Variants in VOPP1 observed in about 807,000 individuals in gnomAD.
VOPP1 encodes the protein VOPP1 WW domain binding protein.
In VOPP1, 8 loss-of-function variants were observed where a neutral mutation model predicts 23.5. The ratio of observed to expected loss-of-function variants is 0.34; its 90% confidence interval spans 0.20 to 0.61. The LOEUF (loss-of-function observed/expected upper bound fraction) is 0.61, where lower values mean the gene tolerates loss of function less well. Among genes scored for constraint, VOPP1 ranks in the 20% least tolerant of loss-of-function variants. The pLI, the probability that VOPP1 is intolerant of heterozygous loss-of-function variation, is 0.78. For missense variants in VOPP1, 174 were observed against 238.1 expected (o/e 0.73, Z 1.77); for synonymous variants, 83 against 97.3 (o/e 0.85, Z 0.86).
At chr7:55,523,185 G>A (rs1795978489) in intron 1 of VOPP1, among the ~76,000 whole-genome samples, 1 of 152,132 alleles carries the variant, frequency 6.6e-6, no homozygotes, top group Non-Finnish European at 1.5e-5. Context: ...CTGAAAACTG[G>A]TGTGAGATGA....
Position 55,549,630 on chromosome 7 carries a change from G to A in VOPP1, c.54+22641C>T, listed in dbSNP as rs779859960. Among the ~76,000 whole-genome samples, 269 of 152,308 alleles carry A rather than the reference G, an allele frequency of 1.8e-3. 3 individuals carry two copies. Among genetic ancestry groups the A allele is most frequent in the Non-Finnish European group, 8.7e-4 (59 of 68,030 alleles). On this transcript the variant is annotated intron_variant, in intron 1 of 4. Coordinates refer to ENST00000285279, the MANE Select transcript of VOPP1 (RefSeq NM_030796.5). ...CGGACACTCTGCAGTGCGACCAGCC[G>A]TGTACCTTGGGCCCTGGGCAGTTAC...
At chr7:55,451,128 G>A (rs913456710) in intron 4 of VOPP1, among the ~76,000 whole-genome samples, 2 of 152,182 alleles carry the variant, frequency 1.3e-5, no homozygotes, top group African/African-American at 2.4e-5. Flanking sequence ...CGGGTAGGGG[G>A]TGTCTTGACA....
chr7:55,516,596 G>C (rs1051306466), intron 2 of VOPP1, among the ~76,000 whole-genome samples: 4 of 152,102 alleles, frequency 2.6e-5, no homozygotes, highest in African/African-American at 9.7e-5. Flanking sequence ...CTGCCACCTG[G>C]GATTTCCGGT....
At chr7:55,486,850 A>G (rs1174408679) in intron 4 of VOPP1, among the ~76,000 whole-genome samples, 1 of 152,222 alleles carries the variant, frequency 6.6e-6, no homozygotes, top group East Asian at 1.9e-4. Context: ...GCAGGCAATG[A>G]GTGTGAGACC....
intron 2 of VOPP1, among the ~76,000 whole-genome samples, chr7:55,503,408 T>TA (rs1794499290): frequency 6.6e-6 from 1 of 152,166 alleles, no homozygotes; most frequent in Non-Finnish European, 1.5e-5. Flanking sequence ...TGGACACATT[T>TA]AATTCTTAGC....
chr7:55,537,795 C>G, intron 1 of VOPP1: 1 of 1,061,992 alleles, frequency 9.4e-7, no homozygotes, highest in South Asian at 2.2e-5. Context: ...CATGCACTTC[C>G]CACAGCCCCC....
chr7:55,469,103 G>A (rs1791709677), downstream of VOPP1, among the ~76,000 whole-genome samples: 1 of 152,028 alleles, frequency 6.6e-6, no homozygotes, highest in Admixed American at 6.5e-5. Flanking sequence ...CAGCTTTTCT[G>A]TATGCTTTAA....
chr7:55,462,538 CTTCTT>C (rs1369269259), intron 4 of VOPP1, among the ~76,000 whole-genome samples: 1 of 151,712 alleles, frequency 6.6e-6, no homozygotes, highest in Non-Finnish European at 1.5e-5. Flanking sequence ...GTTCTTTGTT[CTTCTT>C]TTCTTCTTCT....
intron 1 of VOPP1, among the ~76,000 whole-genome samples, chr7:55,540,131 G>C (rs1213212332): frequency 6.6e-6 from 1 of 152,090 alleles, no homozygotes; most frequent in Non-Finnish European, 1.5e-5. Context: ...CAGGCGCAGT[G>C]GCTCACGCCT....
At chr7:55,534,471 A>T (rs992190080) in intron 1 of VOPP1, among the ~76,000 whole-genome samples, 12 of 152,156 alleles carry the variant, frequency 7.9e-5, no homozygotes, top group African/African-American at 2.9e-4. Context: ...TAAACTTAAC[A>T]TCATTTCTGC....
chr7:55,538,912 T>TA (rs199687059), intron 1 of VOPP1, among the ~76,000 whole-genome samples: 53 of 148,226 alleles, frequency 3.6e-4, no homozygotes, highest in Non-Finnish European at 5.5e-4. Flanking sequence ...TATACAATCT[T>TA]AAAAAAAAAA....
At chr7:55,525,073 G>A (rs1257155715) in intron 1 of VOPP1, among the ~76,000 whole-genome samples, 1 of 152,098 alleles carries the variant, frequency 6.6e-6, no homozygotes, top group Non-Finnish European at 1.5e-5. Flanking sequence ...CAGAGTCGAC[G>A]GGCAAAGGGG....
chr7:55,436,783 A>G lies in VOPP1; in HGVS notation n.418-609T>C, dbSNP rs963993317. Among the ~76,000 whole-genome samples the G allele has an allele frequency of 2.0e-5, 3 of 152,270 alleles. No homozygotes were observed. The South Asian group carries it at 6.2e-4, about 32-fold the overall frequency. On this transcript the variant is annotated intron_variant and non_coding_transcript_variant, in intron 4 of 4. Transcript: ENST00000462326. Reference sequence around the variant, plus strand: ...TGCAGGAGCAAAGATGTCCTAAACCACAGTTTCAGGCTTATTCAAAATCCA... The same window carrying G: ...TGCAGGAGCAAAGATGTCCTAAACCGCAGTTTCAGGCTTATTCAAAATCCA...
chr7:55,473,919 T>C (rs1375912215), intron 4 of VOPP1, among the ~76,000 whole-genome samples: 1 of 152,162 alleles, frequency 6.6e-6, no homozygotes, highest in Non-Finnish European at 1.5e-5. Context: ...GTTTTTTTTC[T>C]TTTTTTGCAA....
At position 55,497,069 on chromosome 7, in the gene VOPP1, G is replaced by A. The variant is rs528212026; in HGVS notation, c.191+544C>T. ...CCACAGGAGGCTCCCCCCATGGAAT[G>A]TGCTCCCACCCTTCCAGGATGCTGC... On this transcript the variant is annotated intron_variant, in intron 3 of 4. Transcript: ENST00000285279. 2.0e-5 allele frequency among the ~76,000 whole-genome samples: 3 copies of A among 152,328 alleles called. No homozygotes were observed. In the South Asian group the frequency reaches 6.2e-4, roughly 32 times the overall value.
At chr7:55,565,090 T>C (rs889089394) in intron 1 of VOPP1, among the ~76,000 whole-genome samples, 2 of 152,210 alleles carry the variant, frequency 1.3e-5, no homozygotes, top group African/African-American at 2.4e-5. Flanking sequence ...AAATTTTATA[T>C]ATATATGTAT....
Position 55,563,012 on chromosome 7 carries a change from G to A in VOPP1, c.54+9259C>T, listed in dbSNP as rs140870736. On this transcript the variant is annotated intron_variant, in intron 1 of 4. Coordinates refer to ENST00000285279, the MANE Select transcript of VOPP1 (RefSeq NM_030796.5). ...ACATGCCCTAACTTGAAATATCCTC[G>A]TCCATCTCACTCAGAAATTTATTTC... Among the ~76,000 whole-genome samples, 479 of 151,984 alleles carry A rather than the reference G, an allele frequency of 3.2e-3. 2 individuals carry two copies. The highest frequency in any genetic ancestry group is 0.021 in the Middle Eastern group (6 of 292).
chr7:55,475,263 G>C (rs1302154958), intron 4 of VOPP1, among the ~76,000 whole-genome samples: 1 of 152,190 alleles, frequency 6.6e-6, no homozygotes, highest in African/African-American at 2.4e-5. Flanking sequence ...CCTACTAGCT[G>C]GGAGCTGGTG....
chr7:55,572,256 G>C lies in VOPP1; in HGVS notation c.54+15C>G, dbSNP rs752166459. 5.3e-6 allele frequency: 8 copies of C among 1,520,278 alleles called. No individual in the cohort carries two copies. The highest frequency in any genetic ancestry group is 2.7e-5 in the East Asian group (1 of 36,978). The allele number at this position is 1,520,278 out of a possible 1,614,324, so 94.2% of individuals were successfully genotyped here. On this transcript the variant is annotated intron_variant, in intron 1 of 4. Transcript: ENST00000285279. Reference sequence around the variant, plus strand: ...GGCGCCGCGCCTCCGGCAGCACCCGGTCCCCGGCCCCTACCTCCAAGAGCA... The same window carrying C: ...GGCGCCGCGCCTCCGGCAGCACCCGCTCCCCGGCCCCTACCTCCAAGAGCA...
Sources: gnomAD v4.1 joint callset for allele counts (sites outside exome capture counted in the v4.1 genomes callset) on GRCh38, gnomAD v4.1.1 for gene constraint, MANE v1.5 for transcripts, NCBI Gene and HGNC (gene_info 2026-07-23, HGNC 2026-07-21) for gene names.